LRIG1: variants seen among roughly 807,000 people sequenced by gnomAD.
LRIG1 encodes leucine-rich repeats and immunoglobulin-like domains protein 1.
Under a neutral mutation model 99.2 loss-of-function variants are expected in LRIG1, and 48 were observed. The ratio of observed to expected loss-of-function variants is 0.48; its 90% confidence interval spans 0.38 to 0.62. The LOEUF (loss-of-function observed/expected upper bound fraction) is 0.62. Among genes scored for constraint, LRIG1 ranks in the 20% least tolerant of loss-of-function variants. The pLI is 0.00. For synonymous variants in LRIG1, 772 were observed against 596.1 expected (o/e 1.29, Z -4.30); for missense variants, 1,646 against 1,434.4 (o/e 1.15, Z -2.38).
At chr3:66,381,311 T>G (rs536744565) in intron 17 of LRIG1, among the ~76,000 whole-genome samples, 168 bp downstream of exon 17, 1 of 152,028 alleles carries the variant, frequency 6.6e-6, no homozygotes, top group African/African-American at 2.4e-5. Flanking sequence ...TAGGAGAAAC[T>G]ATCCTGGAAT....
chr3:66,482,014 G>A (rs1700862871), intron 1 of LRIG1, among the ~76,000 whole-genome samples: 1 of 152,228 alleles, frequency 6.6e-6, no homozygotes, highest in Non-Finnish European at 1.5e-5. Flanking sequence ...AGCTGTTCCT[G>A]AAAGGTTCTC....
chr3:66,394,327 G>A lies in LRIG1; in HGVS notation c.1305-124C>T, dbSNP rs150969161. 245 of 814,094 alleles carry A rather than the reference G, an allele frequency of 3.0e-4. 1 individual carries two copies. In the African/African-American group the frequency reaches 3.3e-3, roughly 11 times the overall value. 50.4% of individuals were successfully genotyped at this position (814,094 alleles called of 1,614,324 possible). On this transcript the variant is annotated intron_variant, in intron 11 of 18. Transcript: ENST00000273261. Reference sequence around the variant, plus strand: ...AGTGAACATCAGCAAGCTGGAAGGGGGAAATGGTTTTTCTCACACTTCCTC... The same window carrying A: ...AGTGAACATCAGCAAGCTGGAAGGGAGAAATGGTTTTTCTCACACTTCCTC...
intron 2 of LRIG1, among the ~76,000 whole-genome samples, chr3:66,459,430 A>G (rs979651780): frequency 6.6e-6 from 1 of 152,232 alleles, no homozygotes; most frequent in Non-Finnish European, 1.5e-5. Flanking sequence ...GCACCCCTCC[A>G]TCGTGCATGC....
intron 2 of LRIG1, among the ~76,000 whole-genome samples, chr3:66,454,571 ATCTC>A (rs916110519): frequency 4.6e-5 from 7 of 152,110 alleles, no homozygotes; most frequent in African/African-American, 1.7e-4. Flanking sequence ...GGCCCTAAAA[ATCTC>A]TCTGAAACGT....
chr3:66,435,475 A>G (rs567269959), intron 3 of LRIG1, among the ~76,000 whole-genome samples: 33 of 152,318 alleles, frequency 2.2e-4, no homozygotes, highest in African/African-American at 6.0e-4. Flanking sequence ...GGTATTTGGG[A>G]GGCTGAGGCA....
At chr3:66,398,208 T>G (rs765289917) in intron 10 of LRIG1, 25 bp from the exon 11 acceptor site, 2 of 1,599,692 alleles carry the variant, frequency 1.3e-6, no homozygotes, top group Admixed American at 3.3e-5. Flanking sequence ...ACATTACTTA[T>G]GCAAAGAAAC....
At chr3:66,498,499 G>C (rs1286357561) in intron 1 of LRIG1, among the ~76,000 whole-genome samples, 1 of 151,618 alleles carries the variant, frequency 6.6e-6, no homozygotes, top group Admixed American at 6.6e-5. Flanking sequence ...CATGGCATTG[G>C]GAGTCACTCT....
At chr3:66,403,423 C>T (rs1056819419) in intron 9 of LRIG1, among the ~76,000 whole-genome samples, 2 of 152,152 alleles carry the variant, frequency 1.3e-5, no homozygotes, top group South Asian at 4.1e-4. Flanking sequence ...GAGTCTCCAG[C>T]CCCAAGATGC....
At chr3:66,446,310 G>A (rs1271927807) in intron 3 of LRIG1, among the ~76,000 whole-genome samples, 2 of 151,996 alleles carry the variant, frequency 1.3e-5, no homozygotes, top group African/African-American at 4.8e-5. Context: ...CTTGGTCACA[G>A]GTAGGACACC....
In LRIG1 at chr3:66,380,421, A is replaced by T. The variant is rs1700967519; in HGVS notation, c.3124T>A (p.Leu1042Ile). The change falls in exon 19 of 19, where the codon TTA becomes ATA. Residue 1042 changes from leucine (L) to isoleucine (I), a missense_variant. Coordinates refer to ENST00000273261, the MANE Select transcript of LRIG1 (RefSeq NM_015541.3). The stretch of plus-strand genomic sequence containing the variant: ...GCGCGCTCTGGACTGCCTGAAGTTA[A>T]TGAAGATGCAGGCTGTAGCTCTGTG... The part of the protein sequence containing the change: ...DSTELQPASS[L>I]TSGSPERAEA... 1 of 1,614,124 alleles carries T rather than the reference A, an allele frequency of 6.2e-7. No homozygotes were observed. Among genetic ancestry groups the T allele is most frequent in the Non-Finnish European group, 8.5e-7 (1 of 1,180,058 alleles).
At chr3:66,488,396 A>G (rs1701021533) in intron 1 of LRIG1, among the ~76,000 whole-genome samples, 1 of 148,888 alleles carries the variant, frequency 6.7e-6, no homozygotes, top group African/African-American at 2.4e-5. Context: ...GCTGAGGTGG[A>G]TGGATCACTT....
chr3:66,500,576 C>G lies in LRIG1; in HGVS notation c.-169G>C, dbSNP rs1242317823. ...CCGCGGCTCCGGCACTCAGCGTGCC[C>G]CCGGTGCCCGGGCCGCTCCGGAGCA... On this transcript the variant is annotated 5_prime_UTR_variant, in exon 1 of 19. Transcript: ENST00000273261. 12 of 381,292 alleles carry G rather than the reference C, an allele frequency of 3.1e-5. No individual in the cohort carries two copies. The highest frequency in any genetic ancestry group is 5.0e-5 in the Non-Finnish European group (11 of 219,544). 23.6% of individuals were successfully genotyped at this position (381,292 alleles called of 1,614,324 possible).
chr3:66,440,361 G>T (rs1190284849), intron 3 of LRIG1, among the ~76,000 whole-genome samples: 1 of 152,128 alleles, frequency 6.6e-6, no homozygotes, highest in Non-Finnish European at 1.5e-5. Flanking sequence ...GCACTTTGCT[G>T]CTTGCTGCAC....
At chr3:66,382,578 A>ACACCCAGCGTGAAGAGCG (rs36067519) in intron 15 of LRIG1, among the ~76,000 whole-genome samples, 180 bp from the exon 16 acceptor site, 10,351 of 152,190 alleles carry the variant, frequency 0.068, 446 homozygotes, top group African/African-American at 0.12. Context: ...GCTTTACTCT[A>ACACCCAGCGTGAAGAGCG]CACCCAGCGT....
intron 3 of LRIG1, among the ~76,000 whole-genome samples, chr3:66,437,839 G>A (rs1389834479): frequency 1.3e-5 from 2 of 152,154 alleles, no homozygotes; most frequent in Non-Finnish European, 2.9e-5. Flanking sequence ...CAGAAGAGGG[G>A]CGGCTATTCC....
At position 66,424,145 on chromosome 3, in the gene LRIG1, C is replaced by G. The variant is rs577433704; in HGVS notation, c.366-6879G>C. On this transcript the variant is annotated intron_variant, in intron 3 of 18. Transcript: ENST00000273261. ...AAACCCAGCCACTGGGAAGACCCCA[C>G]GTTTCAAAGCAAATCCCAGACTGCA... Among the ~76,000 whole-genome samples the G allele has an allele frequency of 1.5e-3, 232 of 152,280 alleles. 1 individual carries two copies. Among genetic ancestry groups the G allele is most frequent in the African/African-American group, 5.3e-3 (220 of 41,560 alleles).
At chr3:66,481,803 GC>G (rs1700858760) in intron 1 of LRIG1, among the ~76,000 whole-genome samples, 1 of 152,184 alleles carries the variant, frequency 6.6e-6, no homozygotes, top group South Asian at 2.1e-4. Flanking sequence ...CTCGTTCAGT[GC>G]ACTACTTTTA....
intron 1 of LRIG1, among the ~76,000 whole-genome samples, chr3:66,499,226 T>C (rs1701297657): frequency 6.6e-6 from 1 of 152,232 alleles, no homozygotes; most frequent in Non-Finnish European, 1.5e-5. Flanking sequence ...ATGCCTTTTT[T>C]TTCCTGTCAA....
intron 3 of LRIG1, among the ~76,000 whole-genome samples, chr3:66,435,212 A>G (rs114878078): frequency 1.2e-3 from 182 of 152,318 alleles, no homozygotes; most frequent in African/African-American, 3.9e-3. Context: ...TTATTATTCC[A>G]TTATATAAAA....
Sources: allele counts gnomAD v4.1 joint callset (sites outside exome capture counted in the v4.1 genomes callset), GRCh38; gene constraint gnomAD v4.1.1; transcripts MANE v1.5; gene names NCBI Gene and HGNC (gene_info 2026-07-23, HGNC 2026-07-21).